Variants in RHBDD1 observed in about 807,000 individuals in gnomAD.
RHBDD1 encodes the protein rhomboid-related protein 4.
A neutral mutation model predicts 36.3 loss-of-function variants in RHBDD1; 38 were observed. The ratio of observed to expected loss-of-function variants is 1.05; its 90% confidence interval spans 0.81 to 1.37. The LOEUF (loss-of-function observed/expected upper bound fraction) is 1.37. RHBDD1 is among the 40% of genes most tolerant of loss of function. The pLI is 0.00. For missense variants in RHBDD1, 393 were observed against 377.6 expected, an observed-to-expected ratio of 1.04 and a Z score of -0.34; for synonymous variants, 151 against 136.5, an observed-to-expected ratio of 1.11 and a Z score of -0.74.
At chr2:226,801,072 G>A in the RHBDD1 span, among the ~76,000 whole-genome samples, 1 of 152,214 alleles carries the variant, frequency 6.6e-6, no homozygotes, top group African/African-American at 2.4e-5. Flanking sequence ...GTCTCATTTT[G>A]ATGCCTGGCC....
intron 6 of RHBDD1, chr2:226,907,140 A>C: frequency 1.9e-6 from 1 of 529,314 alleles, no homozygotes; most frequent in Admixed American, 3.2e-5. Context: ...CTCAACCTTA[A>C]TGCTACCCGC....
At chr2:226,825,588 C>A in the RHBDD1 span, among the ~76,000 whole-genome samples, 2 of 152,074 alleles carry the variant, frequency 1.3e-5, no homozygotes, top group Admixed American at 1.3e-4. Flanking sequence ...CTGAAATAGA[C>A]AGTAAATGGC....
At chr2:226,805,265 T>A in the RHBDD1 span, among the ~76,000 whole-genome samples, 1 of 152,192 alleles carries the variant, frequency 6.6e-6, no homozygotes, top group Non-Finnish European at 1.5e-5. Context: ...CAGGCTGGAG[T>A]GCAGTGGCGC....
chr2:226,954,889 A>T (rs1011596656), intron 8 of RHBDD1, among the ~76,000 whole-genome samples: 3 of 152,050 alleles, frequency 2.0e-5, no homozygotes, highest in South Asian at 2.1e-4. Context: ...GAGTATGTTC[A>T]TATAATACAT....
At chr2:226,895,203 A>G (rs974242679) in intron 5 of RHBDD1, among the ~76,000 whole-genome samples, 1 of 152,256 alleles carries the variant, frequency 6.6e-6, no homozygotes, top group Non-Finnish European at 1.5e-5. Flanking sequence ...AAAATGGGCT[A>G]GATGAGGGCA....
At chr2:226,904,426 G>GC (rs1947869279) in intron 5 of RHBDD1, among the ~76,000 whole-genome samples, 1 of 148,200 alleles carries the variant, frequency 6.7e-6, no homozygotes, top group South Asian at 2.3e-4. Flanking sequence ...GGGGGGGAGG[G>GC]GGGTCAGGGA....
At chr2:226,805,955 A>C in the RHBDD1 span, among the ~76,000 whole-genome samples, 1 of 152,082 alleles carries the variant, frequency 6.6e-6, no homozygotes, top group Non-Finnish European at 1.5e-5. Context: ...CGTGCTCTCT[A>C]TTCACTTGGC....
At chr2:226,861,620 T>G (rs1274244847) in intron 3 of RHBDD1, among the ~76,000 whole-genome samples, 1 of 152,266 alleles carries the variant, frequency 6.6e-6, no homozygotes, top group Non-Finnish European at 1.5e-5. Flanking sequence ...TATTTTGTGA[T>G]TTCTTGTAAG....
At chr2:226,813,630 C>G in the RHBDD1 span, among the ~76,000 whole-genome samples, 1 of 152,200 alleles carries the variant, frequency 6.6e-6, no homozygotes, top group Admixed American at 6.5e-5. Flanking sequence ...TAAATGCTGA[C>G]AACTTAGTGC....
At chr2:226,978,090 A>C (rs918835412) in intron 8 of RHBDD1, among the ~76,000 whole-genome samples, 4 of 152,100 alleles carry the variant, frequency 2.6e-5, no homozygotes, top group African/African-American at 9.7e-5. Context: ...TTCTACTGTG[A>C]GATAATTATC....
chr2:226,943,792 T>C (rs1950807813), intron 8 of RHBDD1, among the ~76,000 whole-genome samples: 1 of 152,262 alleles, frequency 6.6e-6, no homozygotes, highest in Non-Finnish European at 1.5e-5. Flanking sequence ...CTATTTTGCA[T>C]ATAACTTTGA....
intron 8 of RHBDD1, among the ~76,000 whole-genome samples, chr2:226,917,512 C>A (rs1948998147): frequency 6.6e-6 from 1 of 152,062 alleles, no homozygotes; most frequent in African/African-American, 2.4e-5. Flanking sequence ...TTTGTTTCTA[C>A]CTCTGTCTAA....
chr2:226,858,731 T>C (rs995351287), intron 3 of RHBDD1, among the ~76,000 whole-genome samples: 3 of 152,224 alleles, frequency 2.0e-5, no homozygotes, highest in Admixed American at 1.3e-4. Flanking sequence ...TTGTTTGTTC[T>C]AGCTGCTTAG....
intron 8 of RHBDD1, among the ~76,000 whole-genome samples, chr2:226,982,849 G>T (rs1260259220): frequency 6.6e-6 from 1 of 152,226 alleles, no homozygotes; most frequent in Non-Finnish European, 1.5e-5. Flanking sequence ...AGGACTGGGT[G>T]AGTGACACTG....
chr2:226,926,145 C>T (rs891956560), intron 8 of RHBDD1, among the ~76,000 whole-genome samples: 1 of 151,208 alleles, frequency 6.6e-6, no homozygotes, highest in African/African-American at 2.4e-5. Context: ...TTTGGGAGGC[C>T]GAGGCGGGTG....
chr2:226,976,340 G>A (rs1009676479), intron 8 of RHBDD1, among the ~76,000 whole-genome samples: 1 of 150,372 alleles, frequency 6.7e-6, no homozygotes, highest in Non-Finnish European at 1.5e-5. Flanking sequence ...TGTCTAGTCA[G>A]TGACTTCCCA....
chr2:226,867,206 G>C lies in RHBDD1; in HGVS notation c.454G>C (p.Val152Leu). The C allele has an allele frequency of 6.2e-7, 1 of 1,610,370 alleles. No homozygotes were observed. The highest frequency in any genetic ancestry group is 8.5e-7 in the Non-Finnish European group (1 of 1,178,842). Residue 152 changes from valine to leucine, a missense_variant, in exon 5 of 9, where the codon GTT becomes CTT. Coordinates refer to ENST00000392062, the MANE Select transcript of RHBDD1 (RefSeq NM_001167608.3). The stretch of plus-strand genomic sequence containing the variant: ...TTTAGGAGTTTTGTTTGCTTTGAAA[G>C]TTCTTAACAACCATTATTGCCCTGG... ...GFSGVLFALK[V>L]LNNHYCPGGF... is the part of the protein sequence containing the mutation.
upstream of RHBDD1, among the ~76,000 whole-genome samples, chr2:226,832,327 C>G (rs1458504812): frequency 6.6e-6 from 1 of 152,200 alleles, no homozygotes; most frequent in East Asian, 1.9e-4. Context: ...TTTAATTCCA[C>G]TGTAACTGGA....
chr2:226,827,424 T>C, the RHBDD1 span, among the ~76,000 whole-genome samples: 1 of 152,220 alleles, frequency 6.6e-6, no homozygotes, highest in Non-Finnish European at 1.5e-5. Context: ...GATGGCATAC[T>C]TATGCCTCTT....
Sources: gnomAD v4.1 joint callset for allele counts (sites outside exome capture counted in the v4.1 genomes callset) on GRCh38, gnomAD v4.1.1 for gene constraint, MANE v1.5 for transcripts, NCBI Gene and HGNC (gene_info 2026-07-23, HGNC 2026-07-21) for gene names.